Variants in ABCC4 observed in about 807,000 individuals in gnomAD.
ABCC4 encodes the protein ATP-binding cassette sub-family C member 4.
Under a neutral mutation model 168.5 loss-of-function variants are expected in ABCC4, and 102 were observed. The ratio of observed to expected loss-of-function variants is 0.61; its 90% CI spans 0.52 to 0.71. The LOEUF (loss-of-function observed/expected upper bound fraction) is 0.71. Ranked by LOEUF, ABCC4 falls within the 30% of genes least tolerant of loss-of-function variation. ABCC4 has a pLI of 0.00. For missense variants in ABCC4, 1,402 were observed against 1,605.8 expected (o/e 0.87, Z 2.17); for synonymous variants, 617 against 590.7 (o/e 1.04, Z -0.65).
intron 11 of ABCC4, among the ~76,000 whole-genome samples, chr13:95,184,650 A>T (rs2038001736): frequency 6.6e-6 from 1 of 152,240 alleles, no homozygotes; most frequent in African/African-American, 2.4e-5. Flanking sequence ...GTAGGTAAAG[A>T]GCAACAAAGC....
chr13:95,120,840 G>T (rs552674144), intron 19 of ABCC4, among the ~76,000 whole-genome samples: 47 of 152,208 alleles, frequency 3.1e-4, no homozygotes, highest in Non-Finnish European at 5.3e-4. Flanking sequence ...ACATGGCGGG[G>T]CACAGACTGG....
chr13:95,164,943 C>A lies in ABCC4; in HGVS notation c.2035-425G>T, dbSNP rs187628981. On this transcript the variant is annotated intron_variant, in intron 15 of 30. Coordinates refer to ENST00000645237, the MANE Select transcript of ABCC4 (RefSeq NM_005845.5). ...AACTCCTGACCTCAGGTGATCCTCTCACCTCGGACTTCCAAAGCGCTGGGA... is the reference window on the plus strand; with the variant it reads ...AACTCCTGACCTCAGGTGATCCTCTAACCTCGGACTTCCAAAGCGCTGGGA... Among the ~76,000 whole-genome samples the A allele has an allele frequency of 8.2e-3, 1,250 of 152,290 alleles. 10 individuals carry two copies. Among genetic ancestry groups the A allele is most frequent in the Non-Finnish European group, 0.014 (972 of 68,030 alleles).
intron 19 of ABCC4, among the ~76,000 whole-genome samples, chr13:95,127,001 A>G (rs960104101): frequency 6.6e-6 from 1 of 151,754 alleles, no homozygotes; most frequent in Non-Finnish European, 1.5e-5. Context: ...GATTCTTATA[A>G]TTCTACCTAA....
chr13:95,075,644 G>GCA, intron 21 of ABCC4, 93 bp from the exon 22 acceptor site: 1 of 1,527,298 alleles, frequency 6.5e-7, no homozygotes, highest in Non-Finnish European at 8.9e-7. Flanking sequence ...CCACCAAACA[G>GCA]CACACGCAGG....
At chr13:95,241,334 C>T (rs1002340152) in intron 3 of ABCC4, among the ~76,000 whole-genome samples, 5 of 149,272 alleles carry the variant, frequency 3.3e-5, no homozygotes, top group Admixed American at 3.3e-4. Context: ...CACTGCACTC[C>T]AGCCTGGTGA....
At chr13:95,100,106 T>C (rs537755286) in intron 20 of ABCC4, among the ~76,000 whole-genome samples, 27 of 152,294 alleles carry the variant, frequency 1.8e-4, no homozygotes, top group African/African-American at 6.0e-4. Context: ...TCCTGGGTAA[T>C]AGCTGTCCAT....
At chr13:95,257,352 C>T (rs2040417062) in intron 1 of ABCC4, among the ~76,000 whole-genome samples, 1 of 152,100 alleles carries the variant, frequency 6.6e-6, no homozygotes, top group African/African-American at 2.4e-5. Context: ...GCCTTGCTGT[C>T]TCAGAGGTGG....
rs535669848 is a variant in ABCC4 at position 95,128,365 on chromosome 13, A to C, written c.2456-12364T>G. Among the ~76,000 whole-genome samples the C allele has an allele frequency of 3.3e-5, 5 of 152,320 alleles. No individual in the cohort carries two copies. The East Asian group carries it at 9.6e-4, about 29-fold the overall frequency. On this transcript the variant is annotated intron_variant, in intron 19 of 30. Coordinates refer to ENST00000645237, the MANE Select transcript of ABCC4 (RefSeq NM_005845.5). ...GGCTAGGCTAAACTCAATGTGAAAGAATCGAAACTCTTTTGTTCTCCCATA... is the reference window on the plus strand; with the variant it reads ...GGCTAGGCTAAACTCAATGTGAAAGCATCGAAACTCTTTTGTTCTCCCATA...
At chr13:95,223,777 C>T (rs2039372859) in intron 4 of ABCC4, among the ~76,000 whole-genome samples, 1 of 152,196 alleles carries the variant, frequency 6.6e-6, no homozygotes, top group Non-Finnish European at 1.5e-5. Context: ...GTTGGGATTA[C>T]ATGCCACCGT....
chr13:95,198,068 A>G (rs935367409), intron 8 of ABCC4, among the ~76,000 whole-genome samples: 1 of 152,188 alleles, frequency 6.6e-6, no homozygotes, highest in African/African-American at 2.4e-5. Context: ...TTCACGACTA[A>G]AACACCAAAA....
chr13:95,178,121 A>T, intron 11 of ABCC4, 30 bp from the exon 12 acceptor site: 2 of 1,581,762 alleles, frequency 1.3e-6, no homozygotes, highest in South Asian at 2.2e-5. Flanking sequence ...AAGGGGGGAA[A>T]AAGAGACTTA....
At chr13:95,286,907 G>A (rs1211160927) in intron 1 of ABCC4, among the ~76,000 whole-genome samples, 2 of 146,294 alleles carry the variant, frequency 1.4e-5, no homozygotes, top group East Asian at 2.0e-4. Flanking sequence ...AGTGAGCTGA[G>A]TCCATGCCAT....
At chr13:95,189,468 A>G (rs1178588533) in intron 9 of ABCC4, among the ~76,000 whole-genome samples, 6 of 152,114 alleles carry the variant, frequency 3.9e-5, no homozygotes, top group Non-Finnish European at 8.8e-5. Flanking sequence ...ACCATTTGTA[A>G]ATTTTCATTC....
intron 19 of ABCC4, among the ~76,000 whole-genome samples, chr13:95,147,665 C>T (rs560497922): frequency 9.9e-5 from 15 of 152,144 alleles, no homozygotes; most frequent in Non-Finnish European, 1.9e-4. Flanking sequence ...CTAGTTATAG[C>T]ATTTTTTAAA....
intron 8 of ABCC4, among the ~76,000 whole-genome samples, chr13:95,202,583 G>GCC (rs1400102419): frequency 2.0e-5 from 3 of 151,704 alleles, no homozygotes; most frequent in Non-Finnish European, 4.4e-5. Context: ...TTTTATGGCT[G>GCC]CCGCATGGAA....
chr13:95,129,017 GT>G (rs2139446182), intron 19 of ABCC4, among the ~76,000 whole-genome samples: 1 of 152,206 alleles, frequency 6.6e-6, no homozygotes, highest in Non-Finnish European at 1.5e-5. Flanking sequence ...CACCTCCAAA[GT>G]TTCACTAATG....
At chr13:95,142,134 G>A (rs2036337989) in intron 19 of ABCC4, among the ~76,000 whole-genome samples, 1 of 152,160 alleles carries the variant, frequency 6.6e-6, no homozygotes, top group Non-Finnish European at 1.5e-5. Context: ...ACTTGCATGT[G>A]CCTGTTTATA....
At chr13:95,040,281 G>C (rs2032298004) in intron 29 of ABCC4, among the ~76,000 whole-genome samples, 1 of 152,154 alleles carries the variant, frequency 6.6e-6, no homozygotes. Context: ...GCCCAGGCTG[G>C]AGTGCAGTGG....
At position 95,282,267 on chromosome 13, in the gene ABCC4, C is replaced by G. The variant is rs569019158; in HGVS notation, c.74+18974G>C. ...AATATGGGTGATAAAGGAGCAGGTC[C>G]AGACTTAGAGAAACAAGGACTCCCT... On this transcript the variant is annotated intron_variant, in intron 1 of 30. Coordinates refer to ENST00000645237, the MANE Select transcript of ABCC4 (RefSeq NM_005845.5). 3.9e-5 allele frequency among the ~76,000 whole-genome samples: 6 copies of G among 152,220 alleles called. No homozygotes were observed. The South Asian group carries it at 1.0e-3, about 26-fold the overall frequency.
Sources: gnomAD v4.1 joint callset for allele counts (sites outside exome capture counted in the v4.1 genomes callset) on GRCh38, gnomAD v4.1.1 for gene constraint, MANE v1.5 for transcripts, NCBI Gene and HGNC (gene_info 2026-07-23, HGNC 2026-07-21) for gene names.